The following LUZP2 variants were observed in gnomAD, a reference collection of about 807,000 sequenced individuals.
LUZP2 encodes leucine zipper protein 2.
Under a neutral mutation model 51.6 loss-of-function variants are expected in LUZP2, and 52 were observed. That is an observed-to-expected ratio of 1.01 (90% CI 0.81 to 1.27). The LOEUF (loss-of-function observed/expected upper bound fraction) is 1.27, where lower values mean the gene tolerates loss of function less well. LUZP2 is among the 50% of genes most tolerant of loss of function. The pLI is 0.00. For synonymous variants in LUZP2, 154 were observed against 137.3 expected (o/e 1.12, Z -0.85); for missense variants, 436 against 395.4 (o/e 1.10, Z -0.87).
intron 3 of LUZP2, among the ~76,000 whole-genome samples, chr11:24,736,996 G>T (rs1858967964): frequency 6.6e-6 from 1 of 151,940 alleles, no homozygotes; most frequent in Non-Finnish European, 1.5e-5. Context: ...CTTGAAATTG[G>T]GACTTGGACA....
chr11:24,593,400 C>A (rs1485175611), intron 1 of LUZP2, among the ~76,000 whole-genome samples: 1 of 152,064 alleles, frequency 6.6e-6, no homozygotes, highest in Admixed American at 6.6e-5. Context: ...TCTCTAAGGC[C>A]TCTCACGAGA....
intron 9 of LUZP2, among the ~76,000 whole-genome samples, chr11:25,000,048 A>ATCCATTTTACAGAGTACTGATTGG (rs1856635065): frequency 6.6e-6 from 1 of 150,794 alleles, no homozygotes; most frequent in Non-Finnish European, 1.5e-5. Context: ...GCACTGATTG[A>ATCCATTTTACAGAGTACTGATTGG]TCCATTTTAC....
chr11:24,526,083 C>G (rs1001555091), intron 1 of LUZP2, among the ~76,000 whole-genome samples: 1 of 151,194 alleles, frequency 6.6e-6, no homozygotes, highest in Non-Finnish European at 1.5e-5. Context: ...TTCATTCATT[C>G]TTTCTTTCTG....
intron 1 of LUZP2, among the ~76,000 whole-genome samples, chr11:24,573,699 TG>T (rs1852514304): frequency 6.6e-6 from 1 of 151,968 alleles, no homozygotes; most frequent in Non-Finnish European, 1.5e-5. Flanking sequence ...AAAAGACACA[TG>T]GTATAAACCA....
intron 1 of LUZP2, among the ~76,000 whole-genome samples, chr11:24,559,436 T>A (rs560684030): frequency 6.6e-6 from 1 of 152,048 alleles, no homozygotes; most frequent in East Asian, 1.9e-4. Context: ...ATCTAGGGAG[T>A]TTTGAAAGCA....
intron 1 of LUZP2, among the ~76,000 whole-genome samples, chr11:24,588,357 T>C (rs999392038): frequency 6.6e-6 from 1 of 152,162 alleles, no homozygotes; most frequent in Non-Finnish European, 1.5e-5. Flanking sequence ...GAAGCTGCGA[T>C]TGACCACAAT....
intron 4 of LUZP2, among the ~76,000 whole-genome samples, chr11:24,741,668 C>T (rs987584574): frequency 1.7e-4 from 26 of 151,078 alleles, no homozygotes; most frequent in African/African-American, 3.4e-4. Flanking sequence ...TACAGTGTTT[C>T]GTTTTCCATT....
chr11:24,728,091 A>G (rs939581204), intron 1 of LUZP2, among the ~76,000 whole-genome samples: 6 of 152,006 alleles, frequency 3.9e-5, no homozygotes, highest in African/African-American at 1.2e-4. Context: ...TAACTGTTAC[A>G]TTTTACAGAT....
At chr11:24,644,620 T>G (rs1051503696) in intron 1 of LUZP2, among the ~76,000 whole-genome samples, 1 of 151,960 alleles carries the variant, frequency 6.6e-6, no homozygotes, top group African/African-American at 2.4e-5. Context: ...CAAATGAAAG[T>G]GCAATCAAAT....
intron 1 of LUZP2, among the ~76,000 whole-genome samples, chr11:24,665,579 G>T (rs1856186296): frequency 6.6e-6 from 1 of 152,082 alleles, no homozygotes; most frequent in Non-Finnish European, 1.5e-5. Flanking sequence ...GTCATGGGAG[G>T]GACCTGGTAA....
chr11:24,734,799 T>G (rs1858866982), intron 3 of LUZP2, among the ~76,000 whole-genome samples: 1 of 151,906 alleles, frequency 6.6e-6, no homozygotes, highest in Non-Finnish European at 1.5e-5. Flanking sequence ...TATTGCAAAT[T>G]TAAACATCTT....
intron 1 of LUZP2, among the ~76,000 whole-genome samples, chr11:24,560,806 A>G (rs1280123619): frequency 6.6e-6 from 1 of 152,198 alleles, no homozygotes; most frequent in Non-Finnish European, 1.5e-5. Context: ...AACTAAGATA[A>G]CTGTAGTTAA....
intron 5 of LUZP2, among the ~76,000 whole-genome samples, chr11:24,900,146 C>T (rs996138893): frequency 2.6e-5 from 4 of 152,070 alleles, no homozygotes; most frequent in African/African-American, 9.7e-5. Flanking sequence ...TTATTGGGCA[C>T]CAGGATTTTG....
At chr11:24,980,351 A>G (rs1855992671) in intron 8 of LUZP2, among the ~76,000 whole-genome samples, 1 of 151,804 alleles carries the variant, frequency 6.6e-6, no homozygotes, top group Admixed American at 6.6e-5. Context: ...CACCATCTTA[A>G]GATCACATAT....
chr11:24,579,657 C>T (rs550265215), intron 1 of LUZP2, among the ~76,000 whole-genome samples: 1 of 152,116 alleles, frequency 6.6e-6, no homozygotes, highest in East Asian at 1.9e-4. Context: ...TAATCCATGT[C>T]TGAAAGTCAA....
At chr11:24,808,705 C>A (rs1286978161) in intron 5 of LUZP2, among the ~76,000 whole-genome samples, 6 of 152,142 alleles carry the variant, frequency 3.9e-5, no homozygotes, top group Non-Finnish European at 8.8e-5. Flanking sequence ...TTCTGCACTA[C>A]TCAACATGTA....
rs1859395135 is a variant in LUZP2 at position 25,078,822 on chromosome 11, T to C, written c.*164T>C. 1 of 594,128 alleles carries C rather than the reference T, an allele frequency of 1.7e-6. No individual in the cohort carries two copies. The highest frequency in any genetic ancestry group is 3.0e-5 in the East Asian group (1 of 33,188). 36.8% of individuals were successfully genotyped at this position (594,128 alleles called of 1,614,324 possible). On this transcript the variant is annotated 3_prime_UTR_variant, in exon 12 of 12. Transcript: ENST00000336930. ...ATTTTCAAAGATTCCAGACCAATTA[T>C]GATCCTTAAGCAATAACCTCATTGA...
intron 1 of LUZP2, among the ~76,000 whole-genome samples, chr11:24,622,420 A>T (rs1007419757): frequency 6.6e-6 from 1 of 151,766 alleles, no homozygotes; most frequent in Non-Finnish European, 1.5e-5. Context: ...TCCTAGGCTG[A>T]TCTCGAATTT....
intron 9 of LUZP2, among the ~76,000 whole-genome samples, chr11:25,026,208 G>A (rs1352773306): frequency 6.6e-6 from 1 of 151,838 alleles, no homozygotes; most frequent in Non-Finnish European, 1.5e-5. Flanking sequence ...GAGTTAATGG[G>A]TGCAGCACAC....
Sources: allele counts gnomAD v4.1 joint callset (sites outside exome capture counted in the v4.1 genomes callset), GRCh38; gene constraint gnomAD v4.1.1; transcripts MANE v1.5; gene names NCBI Gene and HGNC (gene_info 2026-07-23, HGNC 2026-07-21).